Variants in NKD1 observed in about 807,000 individuals in gnomAD.
NKD1 encodes protein naked cuticle homolog 1.
Under a neutral mutation model 56.0 loss-of-function variants are expected in NKD1, and 21 were observed. That is an observed-to-expected ratio of 0.38 (90% CI 0.27 to 0.54). The LOEUF is 0.54. Ranked by LOEUF, NKD1 falls within the 20% of genes least tolerant of loss-of-function variation. NKD1 has a pLI of 0.82. For synonymous variants in NKD1, 263 were observed against 265.7 expected (o/e 0.99, Z 0.10); for missense variants, 578 against 642.7 (o/e 0.90, Z 1.09).
rs961346677 is a variant in NKD1 at position 50,644,241 on chromosome 16, C to T, written c.*10460C>T. ...GTGAGGATCCACCGTATGTACTTAT[C>T]TATGCCTCTAATTATTTGGTTTCCA... On this transcript the variant is annotated 3_prime_UTR_variant, in exon 10 of 10. Coordinates refer to ENST00000268459, the MANE Select transcript of NKD1 (RefSeq NM_033119.5). The T allele has an allele frequency of 6.6e-6, 1 of 152,252 alleles. No homozygotes were observed. Among genetic ancestry groups the T allele is most frequent in the Non-Finnish European group, 1.5e-5 (1 of 68,042 alleles). The allele number at this position is 152,252 out of a possible 1,614,324, so 9.4% of individuals were successfully genotyped here. A position where few individuals can be genotyped will look rare whatever the true frequency, so the allele number is the denominator to read the frequency against.
chr16:50,616,128 G>A (rs1011709046), intron 4 of NKD1: 5 of 454,310 alleles, frequency 1.1e-5, no homozygotes, highest in East Asian at 7.0e-5. Flanking sequence ...TAATCTGTAC[G>A]TGGACGATTG....
intron 3 of NKD1, among the ~76,000 whole-genome samples, chr16:50,563,345 T>C (rs1960685491): frequency 6.6e-6 from 1 of 150,934 alleles, no homozygotes; most frequent in Non-Finnish European, 1.5e-5. Context: ...CTAAACTCCA[T>C]CCTCAATGGG....
intron 3 of NKD1, chr16:50,565,994 G>C (rs75555494): frequency 0.024 from 4,578 of 187,528 alleles, 86 homozygotes; most frequent in Non-Finnish European, 0.036. Context: ...CCCTTGCCCT[G>C]TGCCCCCGAC....
rs538117405 is a variant in NKD1 at position 50,616,671 on chromosome 16, A to G, written c.260-4931A>G. The stretch of plus-strand genomic sequence containing the variant: ...CAAGAAACTTGCTTTCTGGCTGTGC[A>G]GATGTGGAGGCTCCTGTGAAGCAAT... On this transcript the variant is annotated intron_variant, in intron 4 of 9. Transcript: ENST00000268459. 5.4e-4 allele frequency among the ~76,000 whole-genome samples: 82 copies of G among 152,204 alleles called. 1 individual carries two copies. Among genetic ancestry groups the G allele is most frequent in the Non-Finnish European group, 5.4e-4 (37 of 68,034 alleles).
intron 3 of NKD1, among the ~76,000 whole-genome samples, chr16:50,596,710 T>C (rs955005076): frequency 2.1e-4 from 32 of 152,250 alleles, no homozygotes; most frequent in Admixed American, 2.0e-4. Flanking sequence ...CAGGCGTTGA[T>C]ACATAATGTG....
chr16:50,572,280 G>C (rs1960901516), intron 3 of NKD1, among the ~76,000 whole-genome samples: 1 of 152,146 alleles, frequency 6.6e-6, no homozygotes, highest in South Asian at 2.1e-4. Context: ...TGGTGGCAGG[G>C]GGCAGGGTAT....
At chr16:50,597,293 C>A (rs1961493476) in intron 3 of NKD1, among the ~76,000 whole-genome samples, 1 of 151,878 alleles carries the variant, frequency 6.6e-6, no homozygotes, top group Non-Finnish European at 1.5e-5. Flanking sequence ...AGGGAAGGCA[C>A]TGGGGAGGAC....
At position 50,643,599 on chromosome 16, in the gene NKD1, C is replaced by G. The variant is rs1474807325; in HGVS notation, c.*9818C>G. 1 of 152,222 alleles carries G rather than the reference C, an allele frequency of 6.6e-6. No individual in the cohort carries two copies. Among genetic ancestry groups the G allele is most frequent in the Non-Finnish European group, 1.5e-5 (1 of 68,044 alleles). The allele number at this position is 152,222 out of a possible 1,614,324, so 9.4% of individuals were successfully genotyped here. ...TTTGTAACTGTAGTTGATTCTCACTCATCGCAGTAGTTACATCTTATAAAG... is the reference window on the plus strand; with the variant it reads ...TTTGTAACTGTAGTTGATTCTCACTGATCGCAGTAGTTACATCTTATAAAG... On this transcript the variant is annotated 3_prime_UTR_variant, in exon 10 of 10. Coordinates refer to ENST00000268459, the MANE Select transcript of NKD1 (RefSeq NM_033119.5).
At chr16:50,551,378 T>C (rs1469730827) in intron 3 of NKD1, among the ~76,000 whole-genome samples, 1 of 152,162 alleles carries the variant, frequency 6.6e-6, no homozygotes, top group Non-Finnish European at 1.5e-5. Flanking sequence ...CTCAGAGAAA[T>C]GCTGAGAGGT....
In NKD1 at chr16:50,581,030, A is replaced by G. The variant is rs1444165460; in HGVS notation, c.193-27264A>G. Among the ~76,000 whole-genome samples, 5 of 152,232 alleles carry G rather than the reference A, an allele frequency of 3.3e-5. No homozygotes were observed. The East Asian group carries it at 7.7e-4, about 23-fold the overall frequency. On this transcript the variant is annotated intron_variant, in intron 3 of 9. Coordinates refer to ENST00000268459, the MANE Select transcript of NKD1 (RefSeq NM_033119.5). The stretch of plus-strand genomic sequence containing the variant: ...CTGAAAAATTAGAGCATATTTCTTC[A>G]TGGAGATGAAGAGTGTTTCCATATG...
rs561431035 is a variant in NKD1 at position 50,575,834 on chromosome 16, T to A, written c.192+26279T>A. On this transcript the variant is annotated intron_variant, in intron 3 of 9. Coordinates refer to ENST00000268459, the MANE Select transcript of NKD1 (RefSeq NM_033119.5). ...CCTTTGGAGCAGGGGTTCTCCATGGTAGCACAGGACATTTGGCGATATCTG... is the reference window on the plus strand; with the variant it reads ...CCTTTGGAGCAGGGGTTCTCCATGGAAGCACAGGACATTTGGCGATATCTG... 5.3e-5 allele frequency among the ~76,000 whole-genome samples: 8 copies of A among 152,334 alleles called. No homozygotes were observed. In the South Asian group the frequency reaches 1.7e-3, roughly 32 times the overall value.
In NKD1 at chr16:50,598,227, C is replaced by CTGTGTGTG. The variant is rs1491585881; in HGVS notation, c.193-10066_193-10065insGTGTGTGT. 8.3e-6 allele frequency among the ~76,000 whole-genome samples: 1 copy of CTGTGTGTG among 120,144 alleles called. No individual in the cohort carries two copies. Among genetic ancestry groups the CTGTGTGTG allele is most frequent in the Non-Finnish European group, 1.6e-5 (1 of 62,130 alleles). The allele number at this position is 120,144 out of a possible 152,430, so 78.8% of individuals were successfully genotyped here. ...GGCACTGCAGGGCCGCATGGGTGGA[C>CTGTGTGTG]TCTGTGTGTGTGTGTGTGTGTGTGT... On this transcript the variant is annotated intron_variant, in intron 3 of 9. Coordinates refer to ENST00000268459, the MANE Select transcript of NKD1 (RefSeq NM_033119.5). This position sits in a 1 kb window ranked among gnomAD's most constrained non-coding sequence, Gnocchi z 4.2.
At chr16:50,587,516 G>T (rs1961256975) in intron 3 of NKD1, among the ~76,000 whole-genome samples, 1 of 152,196 alleles carries the variant, frequency 6.6e-6, no homozygotes, top group Non-Finnish European at 1.5e-5. Flanking sequence ...TTGTTCTCTG[G>T]CTTCTATGTC....
At chr16:50,555,059 C>A (rs947631291) in intron 3 of NKD1, among the ~76,000 whole-genome samples, 1 of 152,086 alleles carries the variant, frequency 6.6e-6, no homozygotes, top group Non-Finnish European at 1.5e-5. Flanking sequence ...GTACCCAGGC[C>A]CACTCCTAGG....
At chr16:50,625,678 G>T in intron 6 of NKD1, 98 bp downstream of exon 6, 1 of 772,328 alleles carries the variant, frequency 1.3e-6, no homozygotes, top group Non-Finnish European at 2.2e-6. Context: ...CCCTGCATCG[G>T]TCCTGCCCCT....
chr16:50,627,924 A>G (rs910982922), intron 6 of NKD1, among the ~76,000 whole-genome samples: 3 of 152,182 alleles, frequency 2.0e-5, no homozygotes, highest in East Asian at 1.9e-4. Flanking sequence ...CCTCATCTGT[A>G]TAATGAAACC....
At chr16:50,594,246 T>G (rs2151272510) in intron 3 of NKD1, among the ~76,000 whole-genome samples, 1 of 152,350 alleles carries the variant, frequency 6.6e-6, no homozygotes, top group Non-Finnish European at 1.5e-5. Context: ...GTCCCTGGCC[T>G]CTCACGTAGC....
chr16:50,616,164 C>A, intron 4 of NKD1: 1 of 435,656 alleles, frequency 2.3e-6, no homozygotes, highest in Admixed American at 2.4e-5. Flanking sequence ...TATGTCAGGG[C>A]GAGCATCCAG....
At chr16:50,605,463 A>C (rs1019717295) in intron 3 of NKD1, among the ~76,000 whole-genome samples, 1 of 152,196 alleles carries the variant, frequency 6.6e-6, no homozygotes, top group African/African-American at 2.4e-5. Context: ...ACACGCTTAC[A>C]CAGTTGGCCC....
Sources: allele counts gnomAD v4.1 joint callset (sites outside exome capture counted in the v4.1 genomes callset), GRCh38; gene constraint gnomAD v4.1.1; non-coding constraint Gnocchi (gnomAD v3.1); transcripts MANE v1.5; gene names NCBI Gene and HGNC (gene_info 2026-07-23, HGNC 2026-07-21).